The following PRR30 variants were observed in gnomAD, a reference collection of about 807,000 sequenced individuals.
PRR30 encodes the protein proline rich 30, also known as proline-rich protein 30.
For missense variants in PRR30, 546 were observed against 525.3 expected (o/e 1.04, Z -0.39); for synonymous variants, 229 against 222.7 (o/e 1.03, Z -0.25).
In PRR30 at chr2:27,138,294, C is replaced by T. The variant is rs1432322026; in HGVS notation, c.36G>A (p.Gln12=). Residue 12 remains glutamine, a synonymous_variant, in exon 3 of 3, where the codon CAG becomes CAA. Transcript: ENST00000335524. ...LPQNKDQVLP[Q]TSVLPGRPTW... ...TGGGGCGCCCAGGGAGCACTGAGGTCTGTGGCAGCACCTGGTCCTTGTTTT... is the reference window on the plus strand; with the variant it reads ...TGGGGCGCCCAGGGAGCACTGAGGTTTGTGGCAGCACCTGGTCCTTGTTTT... The T allele has an allele frequency of 3.1e-6, 5 of 1,609,666 alleles. No homozygotes were observed. The highest frequency in any genetic ancestry group is 4.2e-6 in the Non-Finnish European group (5 of 1,177,836).
At position 27,137,345 on chromosome 2, in the gene PRR30, G is replaced by C; in HGVS notation, c.985C>G (p.Gln329Glu). The C allele has an allele frequency of 2.5e-6, 4 of 1,614,202 alleles. No individual in the cohort carries two copies. The highest frequency in any genetic ancestry group is 3.4e-6 in the Non-Finnish European group (4 of 1,180,038). The change falls in exon 3 of 3, where the codon CAG (glutamine) becomes GAG (glutamate). Residue 329 changes from glutamine to glutamate, a missense_variant. By Grantham distance (29) the Gln-to-Glu change is conservative. Transcript: ENST00000335524. The surrounding 1 kb of genome is among the most constrained non-coding windows in gnomAD (Gnocchi z 4.3). ...KEAGPQGKATQACGHQLPASQ... is the reference protein window; with the variant it reads ...KEAGPQGKATEACGHQLPASQ... ...GCTGGCAATTGATGCCCACAGGCCT[G>C]AGTAGCCTTGCCCTGAGGCCCTGCT...
rs371665403 is a variant in PRR30 at position 27,137,100 on chromosome 2, T to C, written c.1230A>G (p.Ser410=). ...PVSLELILQK[S]SV is the part of the protein sequence containing the mutation. Reference sequence around the variant, plus strand: ...CTCCGTGGCTCTGGAACTAGACTGATGACTTTTGGAGAATGAGCTCCAGAG... The same window carrying C: ...CTCCGTGGCTCTGGAACTAGACTGACGACTTTTGGAGAATGAGCTCCAGAG... Residue 410 remains serine, a synonymous_variant, in exon 3 of 3, where the codon TCA becomes TCG. Coordinates refer to ENST00000335524, the MANE Select transcript of PRR30 (RefSeq NM_178553.4). This position sits in a 1 kb window ranked among gnomAD's most constrained non-coding sequence, Gnocchi z 4.3. 146 of 1,613,690 alleles carry C rather than the reference T, an allele frequency of 9.0e-5. No homozygotes were observed. Among genetic ancestry groups the C allele is most frequent in the Non-Finnish European group, 1.2e-4 (136 of 1,179,838 alleles).
In PRR30 at chr2:27,137,564, G is replaced by T; in HGVS notation, c.766C>A (p.Leu256Ile). 1 of 1,592,502 alleles carries T rather than the reference G, an allele frequency of 6.3e-7. No homozygotes were observed. Residue 256 changes from leucine to isoleucine, a missense_variant, in exon 3 of 3, where the codon CTC (leucine) becomes ATC (isoleucine). Transcript: ENST00000335524. The surrounding 1 kb of genome is among the most constrained non-coding windows in gnomAD (Gnocchi z 4.3). ...GGGCAGGAGGGGCTGCGGGGCCGGAGGCACACCAGGCATATAGGATACTCC... is the reference window on the plus strand; with the variant it reads ...GGGCAGGAGGGGCTGCGGGGCCGGATGCACACCAGGCATATAGGATACTCC... Reference protein sequence around the residue: ...VVEYPICLVCLRPRSPSCPLP... With the variant: ...VVEYPICLVCIRPRSPSCPLP...
In PRR30 at chr2:27,138,950, C is replaced by G. The variant is rs1018841917; in HGVS notation, c.-366+20G>C. On this transcript the variant is annotated intron_variant, in intron 2 of 2. Transcript: ENST00000335524. ...GATGGGAACAGGAATTGAGGGTGTT[C>G]TGGTGCTGAGCGCTCTTACCAATGA... is the stretch of plus-strand genomic sequence containing the variant. The G allele has an allele frequency of 6.5e-6, 1 of 153,400 alleles. No homozygotes were observed. Among genetic ancestry groups the G allele is most frequent in the African/African-American group, 2.4e-5 (1 of 41,410 alleles). 9.5% of individuals were successfully genotyped at this position (153,400 alleles called of 1,614,324 possible).
chr2:27,139,343 A>G lies in PRR30; in HGVS notation c.-459T>C, dbSNP rs981248734. ...AGCAGAAGGAATGGGGCCAGCTGGT[A>G]AAAGCCTCTGGGAGACTGGGACTTT... On this transcript the variant is annotated 5_prime_UTR_variant, in exon 1 of 3. Transcript: ENST00000335524. 2 of 152,404 alleles carry G rather than the reference A, an allele frequency of 1.3e-5. No homozygotes were observed. Among genetic ancestry groups the G allele is most frequent in the African/African-American group, 4.8e-5 (2 of 41,446 alleles). The allele number at this position is 152,404 out of a possible 1,614,324, so 9.4% of individuals were successfully genotyped here. A position where few individuals can be genotyped will look rare whatever the true frequency, so the allele number is the denominator to read the frequency against.
Position 27,137,616 on chromosome 2 carries a change from T to C in PRR30, c.714A>G (p.Leu238=). The change falls in exon 3 of 3, where the codon CTA becomes CTG. Residue 238 remains leucine (L), a synonymous_variant. Coordinates refer to ENST00000335524, the MANE Select transcript of PRR30 (RefSeq NM_178553.4). This position sits in a 1 kb window ranked among gnomAD's most constrained non-coding sequence, Gnocchi z 4.3. The part of the protein sequence containing the change: ...LRLLLLQHLW[L]GRTGQAPVVE... ...CGACTGGGGCCTGGCCGGTTCTGCC[T>C]AGCCACAGGTGCTGCAAAAGCAGTA... The C allele has an allele frequency of 6.2e-7, 1 of 1,611,474 alleles. No individual in the cohort carries two copies. The highest frequency in any genetic ancestry group is 8.5e-7 in the Non-Finnish European group (1 of 1,179,102).
Position 27,138,024 on chromosome 2 carries a change from G to A in PRR30, c.306C>T (p.Tyr102=), listed in dbSNP as rs1029144436. 20 of 1,613,736 alleles carry A rather than the reference G, an allele frequency of 1.2e-5. No homozygotes were observed. Among genetic ancestry groups the A allele is most frequent in the Non-Finnish European group, 1.7e-5 (20 of 1,179,948 alleles). Residue 102 remains tyrosine, a synonymous_variant, in exon 3 of 3, where the codon TAC becomes TAT. Coordinates refer to ENST00000335524, the MANE Select transcript of PRR30 (RefSeq NM_178553.4). ...ATGCACGTGGACGGGGGAGAGAGAG[G>A]TAGTTCTGGTGAAAGAAAGTAGGGG... The part of the protein sequence containing the change: ...PSSPTFFHQN[Y]LSLPRPRASS...
rs138389066 is a variant in PRR30 at position 27,137,294 on chromosome 2, G to A, written c.1036C>T (p.Arg346Trp). The A allele has an allele frequency of 3.3e-4, 534 of 1,614,224 alleles. No individual in the cohort carries two copies. Among genetic ancestry groups the A allele is most frequent in the Non-Finnish European group, 4.1e-4 (485 of 1,180,038 alleles). ...PASQPPAAQA[R>W]ADPVPGTPSQ... is the part of the protein sequence containing the mutation. ...GGTGTGCCTGGGACTGGGTCGGCCC[G>A]GGCCTGAGCTGCTGGAGGCTGAGAT... Residue 346 changes from arginine (R) to tryptophan (W), a missense_variant, in exon 3 of 3, where the codon CGG (arginine) becomes TGG (tryptophan). Transcript: ENST00000335524. The surrounding 1 kb of genome is among the most constrained non-coding windows in gnomAD (Gnocchi z 4.3).
Position 27,137,632 on chromosome 2 carries a change from A to C in PRR30, c.698T>G (p.Leu233Trp), listed in dbSNP as rs1672538654. The C allele has an allele frequency of 6.2e-7, 1 of 1,612,358 alleles. No individual in the cohort carries two copies. Among genetic ancestry groups the C allele is most frequent in the Non-Finnish European group, 8.5e-7 (1 of 1,179,718 alleles). Residue 233 changes from leucine (L) to tryptophan (W), a missense_variant, in exon 3 of 3, where the codon TTG (leucine) becomes TGG (tryptophan). Transcript: ENST00000335524. The surrounding 1 kb of genome is among the most constrained non-coding windows in gnomAD (Gnocchi z 4.3). ...GGTTCTGCCTAGCCACAGGTGCTGC[A>C]AAAGCAGTAGCCGCAGGTCGTGTGC... is the stretch of plus-strand genomic sequence containing the variant. ...RIAHDLRLLL[L>W]QHLWLGRTGQ...
Position 27,138,268 on chromosome 2 carries a change from G to A in PRR30, c.62C>T (p.Thr21Ile), listed in dbSNP as rs1342530469. Reference sequence around the variant, plus strand: ...GTCCACAAGTTGTGAGAAGCCCCAAGTGGGGCGCCCAGGGAGCACTGAGGT... The same window carrying A: ...GTCCACAAGTTGTGAGAAGCCCCAAATGGGGCGCCCAGGGAGCACTGAGGT... ...PQTSVLPGRP[T>I]WGFSQLVDSS... The change falls in exon 3 of 3, where the codon ACT (threonine) becomes ATT (isoleucine). Residue 21 changes from threonine to isoleucine, a missense_variant. By Grantham distance (89) the Thr-to-Ile change is moderately conservative. Transcript: ENST00000335524. 6.2e-7 allele frequency: 1 copy of A among 1,613,464 alleles called. No homozygotes were observed. The highest frequency in any genetic ancestry group is 1.7e-5 in the Admixed American group (1 of 60,024).
Position 27,137,350 on chromosome 2 carries a change from G to A in PRR30, c.980C>T (p.Ala327Val). The A allele has an allele frequency of 6.2e-7, 1 of 1,614,214 alleles. No homozygotes were observed. Among genetic ancestry groups the A allele is most frequent in the Non-Finnish European group, 8.5e-7 (1 of 1,180,044 alleles). ...RPKEAGPQGK[A>V]TQACGHQLPA... ...CAATTGATGCCCACAGGCCTGAGTA[G>A]CCTTGCCCTGAGGCCCTGCTTCCTT... Residue 327 changes from alanine (A) to valine (V), a missense_variant, in exon 3 of 3, where the codon GCT becomes GTT. Ala to Val is a moderately conservative substitution (Grantham distance 64). Transcript: ENST00000335524. This position sits in a 1 kb window ranked among gnomAD's most constrained non-coding sequence, Gnocchi z 4.3.
rs745877581 is a variant in PRR30 at position 27,137,133 on chromosome 2, C to G, written c.1197G>C (p.Arg399Ser). 1 of 1,614,176 alleles carries G rather than the reference C, an allele frequency of 6.2e-7. No individual in the cohort carries two copies. The highest frequency in any genetic ancestry group is 1.7e-5 in the Admixed American group (1 of 60,028). ...GGAGAATGAGCTCCAGAGAAACTGGCCTCTTTGGGCCAGGGCAAGGCCTGG... is the reference window on the plus strand; with the variant it reads ...GGAGAATGAGCTCCAGAGAAACTGGGCTCTTTGGGCCAGGGCAAGGCCTGG... ...LKPRPCPGPK[R>S]PVSLELILQK... The change falls in exon 3 of 3, where the codon AGG becomes AGC. Residue 399 changes from arginine to serine, a missense_variant. Physicochemically the swap from Arg to Ser is moderately radical, Grantham distance 110 (BLOSUM62 -1). Transcript: ENST00000335524. The surrounding 1 kb of genome is among the most constrained non-coding windows in gnomAD (Gnocchi z 4.3).
In PRR30 at chr2:27,137,520, A is replaced by G. The variant is rs1672536021; in HGVS notation, c.810T>C (p.Thr270=). 9 of 1,592,294 alleles carry G rather than the reference A, an allele frequency of 5.7e-6. No individual in the cohort carries two copies. Among genetic ancestry groups the G allele is most frequent in the Non-Finnish European group, 6.8e-6 (8 of 1,168,604 alleles). ...GAGGGAAAGCAAGCAGCCGGGGTCC[A>G]GTCCTGTACCTGGGGAGGGGGCAGG... ...SPSCPLPRYR[T]GPRLLAFPQL... Residue 270 remains threonine, a synonymous_variant, in exon 3 of 3, where the codon ACT becomes ACC. Transcript: ENST00000335524. The surrounding 1 kb of genome is among the most constrained non-coding windows in gnomAD (Gnocchi z 4.3).
chr2:27,138,148 G>A lies in PRR30; in HGVS notation c.182C>T (p.Ser61Phe), dbSNP rs754108199. ...FSSTQSRRPSSPPPASPSPGF... is the reference protein window; with the variant it reads ...FSSTQSRRPSFPPPASPSPGF... Reference sequence around the variant, plus strand: ...AGGAGAGGGGGATGCTGGTGGAGGGGAGGAGGGACGACGGGACTGAGTGGA... The same window carrying A: ...AGGAGAGGGGGATGCTGGTGGAGGGAAGGAGGGACGACGGGACTGAGTGGA... Residue 61 changes from serine to phenylalanine, a missense_variant, in exon 3 of 3, where the codon TCC (serine) becomes TTC (phenylalanine). Ser to Phe is a radical substitution (Grantham distance 155). Transcript: ENST00000335524. 1 of 1,614,018 alleles carries A rather than the reference G, an allele frequency of 6.2e-7. No individual in the cohort carries two copies. Among genetic ancestry groups the A allele is most frequent in the Non-Finnish European group, 8.5e-7 (1 of 1,179,990 alleles).
At position 27,137,541 on chromosome 2, in the gene PRR30, G is replaced by A. The variant is rs1305907938; in HGVS notation, c.789C>T (p.Cys263=). 1 of 1,589,026 alleles carries A rather than the reference G, an allele frequency of 6.3e-7. No individual in the cohort carries two copies. The highest frequency in any genetic ancestry group is 1.7e-5 in the Admixed American group (1 of 58,166). The stretch of plus-strand genomic sequence containing the variant: ...GTCCAGTCCTGTACCTGGGGAGGGG[G>A]CAGGAGGGGCTGCGGGGCCGGAGGC... The part of the protein sequence containing the change: ...LVCLRPRSPS[C]PLPRYRTGPR... Residue 263 remains cysteine, a synonymous_variant, in exon 3 of 3, where the codon TGC becomes TGT. Transcript: ENST00000335524. The surrounding 1 kb of genome is among the most constrained non-coding windows in gnomAD (Gnocchi z 4.3).
In PRR30 at chr2:27,137,813, T is replaced by C; in HGVS notation, c.517A>G (p.Arg173Gly). ...TACTGATGCCAGCGCCATGTCTGCC[T>C]GTTAGAGTGGAGCCTATGAGAAGGT... ...SPPSHRLHSN[R>G]QTWRWHQYRD... Residue 173 changes from arginine (R) to glycine (G), a missense_variant, in exon 3 of 3, where the codon AGG (arginine) becomes GGG (glycine). Arg to Gly is a moderately radical substitution (Grantham distance 125). Transcript: ENST00000335524. The surrounding 1 kb of genome is among the most constrained non-coding windows in gnomAD (Gnocchi z 4.3). 1.2e-6 allele frequency: 2 copies of C among 1,603,488 alleles called. No individual in the cohort carries two copies. The highest frequency in any genetic ancestry group is 1.7e-6 in the Non-Finnish European group (2 of 1,172,560).
In PRR30 at chr2:27,137,388, G is replaced by A. The variant is rs369715723; in HGVS notation, c.942C>T (p.Pro314=). Residue 314 remains proline, a synonymous_variant, in exon 3 of 3, where the codon CCC becomes CCT. Transcript: ENST00000335524. This position sits in a 1 kb window ranked among gnomAD's most constrained non-coding sequence, Gnocchi z 4.3. ...GCCCTGCTTCCTTCGGCCTTTTCTC[G>A]GGCAGCAGATGCAAGGCCCTGGCCT... ...QGQARALHLL[P]EKRPKEAGPQ... 2.0e-4 allele frequency: 330 copies of A among 1,613,770 alleles called. No individual in the cohort carries two copies. Among genetic ancestry groups the A allele is most frequent in the African/African-American group, 2.7e-4 (20 of 74,922 alleles).
chr2:27,137,080 T>G lies in PRR30; in HGVS notation c.*11A>C. Reference sequence around the variant, plus strand: ...GAGGGGGTGTTCCAGGGGGCCTCCGTGGCTCTGGAACTAGACTGATGACTT... The same window carrying G: ...GAGGGGGTGTTCCAGGGGGCCTCCGGGGCTCTGGAACTAGACTGATGACTT... On this transcript the variant is annotated 3_prime_UTR_variant, in exon 3 of 3. Coordinates refer to ENST00000335524, the MANE Select transcript of PRR30 (RefSeq NM_178553.4). The surrounding 1 kb of genome is among the most constrained non-coding windows in gnomAD (Gnocchi z 4.3). 6.2e-7 allele frequency: 1 copy of G among 1,608,946 alleles called. No individual in the cohort carries two copies. The highest frequency in any genetic ancestry group is 8.5e-7 in the Non-Finnish European group (1 of 1,176,002).
chr2:27,137,240 C>G lies in PRR30; in HGVS notation c.1090G>C (p.Gly364Arg). Reference protein sequence around the residue: ...PSQTRSFRSAGLQSPNSPRCF... With the variant: ...PSQTRSFRSARLQSPNSPRCF... The stretch of plus-strand genomic sequence containing the variant: ...CGTGGGGAGTTTGGTGATTGAAGGC[C>G]TGCAGACCTGAAGCTCCTGGTCTGG... The change falls in exon 3 of 3, where the codon GGC (glycine) becomes CGC (arginine). Residue 364 changes from glycine to arginine, a missense_variant. Physicochemically the swap from Gly to Arg is moderately radical, Grantham distance 125. Coordinates refer to ENST00000335524, the MANE Select transcript of PRR30 (RefSeq NM_178553.4). This position sits in a 1 kb window ranked among gnomAD's most constrained non-coding sequence, Gnocchi z 4.3. The G allele has an allele frequency of 6.2e-7, 1 of 1,614,202 alleles. No individual in the cohort carries two copies. Among genetic ancestry groups the G allele is most frequent in the Non-Finnish European group, 8.5e-7 (1 of 1,180,016 alleles).
Sources: allele counts gnomAD v4.1 joint callset, GRCh38; gene constraint gnomAD v4.1.1; non-coding constraint Gnocchi (gnomAD v3.1); transcripts MANE v1.5; gene names NCBI Gene and HGNC (gene_info 2026-07-23, HGNC 2026-07-21).